ABCB5: variants seen among roughly 807,000 people sequenced by gnomAD.
ABCB5 encodes ATP binding cassette subfamily B member 5.
In ABCB5, 155 loss-of-function variants were observed where a neutral mutation model predicts 144.2. The ratio of observed to expected loss-of-function variants is 1.08; its 90% confidence interval spans 0.94 to 1.23. The LOEUF (loss-of-function observed/expected upper bound fraction) is 1.23, where lower values mean the gene tolerates loss of function less well. Among genes scored for constraint, ABCB5 ranks in the 50% most tolerant of loss-of-function variants. The probability of loss-of-function intolerance (pLI) is 0.00; values close to 1 mark genes in which losing one functional copy is unlikely to be tolerated. For missense variants in ABCB5, 1,830 were observed against 1,520.8 expected (o/e 1.20, Z -3.38); for synonymous variants, 610 against 528.6 (o/e 1.15, Z -2.11).
chr7:20,667,786 G>A (rs182521830), intron 14 of ABCB5, among the ~76,000 whole-genome samples: 229 of 149,116 alleles, frequency 1.5e-3, no homozygotes, highest in Non-Finnish European at 2.5e-3. Flanking sequence ...AACCTGGACT[G>A]TACTGCTGCC....
intron 20 of ABCB5, among the ~76,000 whole-genome samples, chr7:20,718,186 G>A (rs913403694): frequency 2.0e-5 from 3 of 151,972 alleles, no homozygotes; most frequent in African/African-American, 7.3e-5. Flanking sequence ...TGGGATTCCA[G>A]GCGTGAGCCA....
chr7:20,678,091 G>C (rs1434821637), intron 14 of ABCB5, among the ~76,000 whole-genome samples: 1 of 152,110 alleles, frequency 6.6e-6, no homozygotes, highest in Non-Finnish European at 1.5e-5. Flanking sequence ...ATAATCCATA[G>C]ATCCAATAAG....
At chr7:20,629,366 C>A (rs1583378011) in intron 4 of ABCB5, among the ~76,000 whole-genome samples, 1 of 152,250 alleles carries the variant, frequency 6.6e-6, no homozygotes, top group South Asian at 2.1e-4. Flanking sequence ...GCTTGTCTCT[C>A]TAAGAATTCA....
At chr7:20,669,199 C>T in intron 14 of ABCB5, among the ~76,000 whole-genome samples, 1 of 146,544 alleles carries the variant, frequency 6.8e-6, no homozygotes, top group East Asian at 2.2e-4. Flanking sequence ...AGCCCCTCTG[C>T]CCGGCCACGA....
intron 13 of ABCB5, among the ~76,000 whole-genome samples, chr7:20,651,945 C>T (rs1490192589): frequency 6.6e-6 from 1 of 152,082 alleles, no homozygotes; most frequent in Non-Finnish European, 1.5e-5. Flanking sequence ...AAAAATTGGA[C>T]ACTCCTGTAT....
chr7:20,648,477 T>G (rs1784481253), intron 11 of ABCB5, among the ~76,000 whole-genome samples: 1 of 152,082 alleles, frequency 6.6e-6, no homozygotes, highest in Admixed American at 6.6e-5. Flanking sequence ...TCCTGGGGCT[T>G]TTACTGCAGC....
chr7:20,671,544 G>T (rs966527458), intron 14 of ABCB5, among the ~76,000 whole-genome samples: 1 of 152,118 alleles, frequency 6.6e-6, no homozygotes, highest in Non-Finnish European at 1.5e-5. Context: ...GTATTTTCTA[G>T]AACTTTATAT....
At chr7:20,721,835 A>G (rs529244500) in intron 20 of ABCB5, among the ~76,000 whole-genome samples, 1 of 152,204 alleles carries the variant, frequency 6.6e-6, no homozygotes, top group South Asian at 2.1e-4. Context: ...CTATTGTAGT[A>G]AATACCTAAG....
rs970197859 is a variant in ABCB5, at chr7:20,648,082, G to A, written c.1206+4G>A. ...TCCATCAAGACCATCTATCAAGGTA[G>A]GTTAAAACAAATTACGCAATTGTGC... On this transcript the variant is annotated splice_donor_region_variant and intron_variant, in intron 11 of 27. Transcript: ENST00000404938. 18 of 1,540,506 alleles carry A rather than the reference G, an allele frequency of 1.2e-5. No individual in the cohort carries two copies. The highest frequency in any genetic ancestry group is 2.7e-5 in the African/African-American group (2 of 73,072).
At chr7:20,709,266 A>C (rs924619879) in intron 20 of ABCB5, among the ~76,000 whole-genome samples, 1 of 137,038 alleles carries the variant, frequency 7.3e-6, no homozygotes, top group Non-Finnish European at 1.6e-5. Context: ...GCCACTTAAA[A>C]ATTTACTTTG....
chr7:20,666,780 G>T (rs759243745), intron 14 of ABCB5: 3 of 1,595,852 alleles, frequency 1.9e-6, no homozygotes, highest in Non-Finnish European at 2.6e-6. Flanking sequence ...CAACAAAGAC[G>T]TATTGATAAT....
intron 22 of ABCB5, among the ~76,000 whole-genome samples, chr7:20,727,631 G>T (rs1473491048): frequency 2.0e-5 from 3 of 152,094 alleles, no homozygotes; most frequent in East Asian, 3.9e-4. Context: ...GCTACTTGGA[G>T]GCTGAGGCAG....
chr7:20,694,005 G>A (rs1786320773), intron 16 of ABCB5, among the ~76,000 whole-genome samples: 1 of 149,634 alleles, frequency 6.7e-6, no homozygotes, highest in Non-Finnish European at 1.5e-5. Context: ...TGAATCTGTG[G>A]TTAAATTCTT....
intron 26 of ABCB5, among the ~76,000 whole-genome samples, chr7:20,752,704 A>G (rs894249643): frequency 1.3e-5 from 2 of 152,138 alleles, no homozygotes; most frequent in Admixed American, 1.3e-4. Context: ...AAAATTAGCC[A>G]GGCATGGTGG....
At chr7:20,732,057 A>C (rs2128052641) in intron 23 of ABCB5, among the ~76,000 whole-genome samples, 1 of 152,286 alleles carries the variant, frequency 6.6e-6, no homozygotes, top group South Asian at 2.1e-4. Flanking sequence ...GACCTGAAAG[A>C]CCTTCATGAT....
chr7:20,700,583 C>G (rs1157607449), intron 19 of ABCB5, among the ~76,000 whole-genome samples: 4 of 152,214 alleles, frequency 2.6e-5, no homozygotes, highest in Non-Finnish European at 5.9e-5. Flanking sequence ...ATCTCTCTGC[C>G]TTTATCAGAA....
intron 15 of ABCB5, among the ~76,000 whole-genome samples, chr7:20,683,609 G>A (rs1785896088): frequency 6.6e-6 from 1 of 152,004 alleles, no homozygotes; most frequent in African/African-American, 2.4e-5. Flanking sequence ...TGTGTTTGTG[G>A]GATGAGTGTG....
chr7:20,616,400 G>T (rs1041597592), intron 1 of ABCB5, among the ~76,000 whole-genome samples: 13 of 152,156 alleles, frequency 8.5e-5, no homozygotes, highest in African/African-American at 3.1e-4. Context: ...TTAGCTATTT[G>T]TCAGATTATT....
chr7:20,702,363 C>A (rs551815102), intron 19 of ABCB5, among the ~76,000 whole-genome samples: 1 of 152,226 alleles, frequency 6.6e-6, no homozygotes, highest in Admixed American at 6.5e-5. Context: ...ATGGTGATCA[C>A]TAAGGGGCTT....
Sources: gnomAD v4.1 joint callset for allele counts (sites outside exome capture counted in the v4.1 genomes callset) on GRCh38, gnomAD v4.1.1 for gene constraint, MANE v1.5 for transcripts, NCBI Gene and HGNC (gene_info 2026-07-23, HGNC 2026-07-21) for gene names.